Variants in RNF4 observed in about 807,000 individuals in gnomAD.
RNF4 encodes ring finger protein 4, also known as E3 ubiquitin-protein ligase RNF4.
A neutral mutation model predicts 24.3 loss-of-function variants in RNF4; 7 were observed. That is an observed-to-expected ratio of 0.29 (90% CI 0.16 to 0.54). RNF4 has a LOEUF of 0.54. Ranked by LOEUF, RNF4 falls within the 20% of genes least tolerant of loss-of-function variation. The pLI is 0.95. For missense variants in RNF4, 209 were observed against 248.5 expected, an observed-to-expected ratio of 0.84 and a Z score of 1.07; for synonymous variants, 83 against 84.3, an observed-to-expected ratio of 0.98 and a Z score of 0.09.
At chr4:2,494,567 A>T (rs1358869060) in intron 2 of RNF4, 1 of 151,218 alleles carries the variant, frequency 6.6e-6, no homozygotes, top group Non-Finnish European at 1.5e-5. Flanking sequence ...TTTTTAGTAG[A>T]GATGGGGTTT....
chr4:2,484,623 G>A (rs1735352960), intron 1 of RNF4, among the ~76,000 whole-genome samples: 1 of 151,192 alleles, frequency 6.6e-6, no homozygotes, highest in African/African-American at 2.4e-5. Flanking sequence ...TGCTAGAGTG[G>A]GGGGGGTCAA....
chr4:2,478,838 C>T lies in RNF4; in HGVS notation c.-158+9580C>T, dbSNP rs1018381687. On this transcript the variant is annotated intron_variant, in intron 1 of 7. Transcript: ENST00000314289. ...CCAAGCAGAGTCCCTACTGGAGCAC[C>T]ACCTGGTAGAGCTGTGGGAAGAGGG... Among the ~76,000 whole-genome samples the T allele has an allele frequency of 5.9e-5, 9 of 152,350 alleles. No individual in the cohort carries two copies. The South Asian group carries it at 8.3e-4, about 14-fold the overall frequency.
intron 4 of RNF4, among the ~76,000 whole-genome samples, chr4:2,509,333 T>TGAA (rs1736199588): frequency 6.6e-6 from 1 of 151,864 alleles, no homozygotes; most frequent in East Asian, 1.9e-4. Context: ...TTCTCCTGCT[T>TGAA]CAGCCTCCCA....
chr4:2,509,489 A>G (rs906594226), intron 4 of RNF4, among the ~76,000 whole-genome samples: 3 of 152,130 alleles, frequency 2.0e-5, no homozygotes, highest in Non-Finnish European at 4.4e-5. Context: ...AAGTGCTGAG[A>G]TTCCAGGTGT....
At chr4:2,487,290 T>C (rs1321009416) in intron 1 of RNF4, among the ~76,000 whole-genome samples, 2 of 152,124 alleles carry the variant, frequency 1.3e-5, no homozygotes, top group African/African-American at 4.8e-5. Flanking sequence ...AATGTGTTTT[T>C]ATTTTTATTT....
chr4:2,482,361 C>T (rs180772253), intron 1 of RNF4, among the ~76,000 whole-genome samples: 20 of 152,330 alleles, frequency 1.3e-4, no homozygotes, highest in African/African-American at 4.3e-4. Context: ...TGCTCAGTGG[C>T]CATCAACACC....
Position 2,500,691 on chromosome 4 carries a change from T to C in RNF4, c.157T>C (p.Ser53Pro), listed in dbSNP as rs1410267843. ...GDEIVDLTCE[S>P]LEPVVVDLTH... ...TGAAATTGTGGACCTCACTTGTGAA[T>C]CTTTAGAGCCTGTGGTGGTTGATCT... Residue 53 changes from serine (S) to proline (P), a missense_variant, in exon 4 of 8, where the codon TCT becomes CCT. Transcript: ENST00000314289. The C allele has an allele frequency of 6.2e-7, 1 of 1,613,964 alleles. No individual in the cohort carries two copies. Among genetic ancestry groups the C allele is most frequent in the Non-Finnish European group, 8.5e-7 (1 of 1,179,862 alleles).
In RNF4 at chr4:2,512,953, T is replaced by A; in HGVS notation, c.375-130T>A. The A allele has an allele frequency of 1.1e-6, 1 of 880,260 alleles. No homozygotes were observed. Among genetic ancestry groups the A allele is most frequent in the South Asian group, 1.5e-5 (1 of 68,480 alleles). The allele number at this position is 880,260 out of a possible 1,614,324, so 54.5% of individuals were successfully genotyped here. On this transcript the variant is annotated intron_variant, in intron 6 of 7. Coordinates refer to ENST00000314289, the MANE Select transcript of RNF4 (RefSeq NM_002938.5). The surrounding 1 kb of genome is among the most constrained non-coding windows in gnomAD (Gnocchi z 4.1). ...TTGGCTTTCCTGAAAGTCTCTCGGA[T>A]GCCCGCGCTAAGGCAGAGTCAGGAG...
Position 2,497,167 on chromosome 4 carries a change from A to G in RNF4, c.124+46A>G, listed in dbSNP as rs1735763122. Reference sequence around the variant, plus strand: ...ACAACTGTGGGGTGTTAAAGTGGAGAGAGAACACTGTACCAGGGTGAGCTA... The same window carrying G: ...ACAACTGTGGGGTGTTAAAGTGGAGGGAGAACACTGTACCAGGGTGAGCTA... On this transcript the variant is annotated intron_variant, in intron 3 of 7. Coordinates refer to ENST00000314289, the MANE Select transcript of RNF4 (RefSeq NM_002938.5). The G allele has an allele frequency of 2.8e-6, 4 of 1,434,900 alleles. No individual in the cohort carries two copies. In the East Asian group the frequency reaches 9.7e-5, roughly 35 times the overall value. The allele number at this position is 1,434,900 out of a possible 1,614,324, so 88.9% of individuals were successfully genotyped here. A position where few individuals can be genotyped will look rare whatever the true frequency, so the allele number is the denominator to read the frequency against.
chr4:2,512,495 G>T lies in RNF4; in HGVS notation c.272G>T (p.Cys91Phe). Residue 91 changes from cysteine (C) to phenylalanine (F), a missense_variant, in exon 6 of 8, where the codon TGT becomes TTT. Cys to Phe is a radical substitution (Grantham distance 205, BLOSUM62 -2). Transcript: ENST00000314289. The surrounding 1 kb of genome is among the most constrained non-coding windows in gnomAD (Gnocchi z 4.1). ...CTGCCCCAGGACCATGCTGACAGCT[G>T]TGTGGTGAGCAGTGACGATGAGGAG... ...RRLPQDHADS[C>F]VVSSDDEELS... The T allele has an allele frequency of 1.2e-6, 2 of 1,613,818 alleles. No homozygotes were observed. The highest frequency in any genetic ancestry group is 1.1e-5 in the South Asian group (1 of 91,056).
chr4:2,469,553 G>T (rs1272138753), intron 1 of RNF4: 5 of 152,334 alleles, frequency 3.3e-5, no homozygotes, highest in African/African-American at 1.2e-4. Context: ...ACTCTGGGAG[G>T]GGCAGGAACG....
chr4:2,485,820 A>G (rs547930497), intron 1 of RNF4, among the ~76,000 whole-genome samples: 1 of 152,338 alleles, frequency 6.6e-6, no homozygotes, highest in East Asian at 1.9e-4. Context: ...TTGTCCTCGT[A>G]GCGCTTACCT....
At chr4:2,491,703 G>A (rs1432314187) in intron 2 of RNF4, among the ~76,000 whole-genome samples, 1 of 151,874 alleles carries the variant, frequency 6.6e-6, no homozygotes, top group African/African-American at 2.4e-5. Context: ...CAAAGTGCTA[G>A]GATGACAGGC....
chr4:2,493,489 A>G (rs541896389), intron 2 of RNF4, among the ~76,000 whole-genome samples: 19 of 152,194 alleles, frequency 1.2e-4, no homozygotes, highest in African/African-American at 4.6e-4. Flanking sequence ...CTAGTAAGAA[A>G]GACTTGGTCT....
chr4:2,475,819 G>A (rs539568576), intron 1 of RNF4, among the ~76,000 whole-genome samples: 229 of 152,214 alleles, frequency 1.5e-3, no homozygotes, highest in Middle Eastern at 3.4e-3. Context: ...CTCTTCCTGA[G>A]GCACTGGGAG....
chr4:2,512,642 G>A lies in RNF4; in HGVS notation c.374+45G>A. 2.5e-6 allele frequency: 4 copies of A among 1,604,822 alleles called. No individual in the cohort carries two copies. Among genetic ancestry groups the A allele is most frequent in the Non-Finnish European group, 3.4e-6 (4 of 1,174,732 alleles). On this transcript the variant is annotated intron_variant, in intron 6 of 7. Transcript: ENST00000314289. The surrounding 1 kb of genome is among the most constrained non-coding windows in gnomAD (Gnocchi z 4.1). ...TCTGCTGCCGCCATGCTAGGATGTG[G>A]GGCCAGGGCATGGGAATACTTTTCA...
In RNF4 at chr4:2,502,049, G is replaced by C. The variant is rs140400868; in HGVS notation, c.204+1311G>C. On this transcript the variant is annotated intron_variant, in intron 4 of 7. Transcript: ENST00000314289. ...ATATGACTTTGCTTATCATCCCTGTGTCCTGCATGGAGTTCTGGAAAGATA... is the reference window on the plus strand; with the variant it reads ...ATATGACTTTGCTTATCATCCCTGTCTCCTGCATGGAGTTCTGGAAAGATA... 6.6e-5 allele frequency among the ~76,000 whole-genome samples: 10 copies of C among 152,242 alleles called. No individual in the cohort carries two copies. The East Asian group carries it at 1.9e-3, about 29-fold the overall frequency.
At chr4:2,511,892 C>G in intron 4 of RNF4, 64 bp from the exon 5 acceptor site, 1 of 1,522,616 alleles carries the variant, frequency 6.6e-7, no homozygotes. Flanking sequence ...GAAATGGCTT[C>G]GTTTATCACT....
intron 2 of RNF4, among the ~76,000 whole-genome samples, chr4:2,492,528 TCAGA>T (rs1190666954): frequency 6.6e-6 from 1 of 152,226 alleles, no homozygotes; most frequent in Admixed American, 6.5e-5. Flanking sequence ...GAATTCCTTG[TCAGA>T]CAGACCAGAT....
Sources: gnomAD v4.1 joint callset for allele counts (sites outside exome capture counted in the v4.1 genomes callset) on GRCh38, gnomAD v4.1.1 for gene constraint, Gnocchi (gnomAD v3.1) non-coding constraint, MANE v1.5 for transcripts, NCBI Gene and HGNC (gene_info 2026-07-23, HGNC 2026-07-21) for gene names.